Variants in PUDP observed in about 807,000 individuals in gnomAD.
The protein encoded by PUDP is pseudouridine 5'-phosphatase.
Under a neutral mutation model 9.4 loss-of-function variants are expected in PUDP, and 8 were observed. That is an observed-to-expected ratio of 0.85 (90% CI 0.50 to 1.53). PUDP has a LOEUF of 1.53. PUDP is among the 40% of genes most tolerant of loss of function. The pLI is 0.00. For synonymous variants in PUDP, 99 were observed against 80.7 expected (o/e 1.23, Z -1.22); for missense variants, 188 against 189.7 (o/e 0.99, Z 0.05).
chrX:6,737,793 G>A (rs1037180140), intron 3 of PUDP, among the ~76,000 whole-genome samples: 7 of 111,580 alleles, frequency 6.3e-5, no homozygotes, highest in African/African-American at 2.0e-4. Flanking sequence ...AGGTTGGGAG[G>A]TTGGCACAAC....
chrX:7,040,329 T>C (rs1360496048), intron 1 of PUDP, among the ~76,000 whole-genome samples: 1 of 111,953 alleles, frequency 8.9e-6, no homozygotes, highest in Non-Finnish European at 1.9e-5. Context: ...TAGGAGCTGG[T>C]TCAGGACAGG....
intron 3 of PUDP, among the ~76,000 whole-genome samples, chrX:7,052,121 C>A (rs1400503317): frequency 9.1e-6 from 1 of 109,824 alleles, no homozygotes; most frequent in African/African-American, 3.3e-5. Context: ...CAGCCTCTAC[C>A]TCCCAGGCTC....
intron 1 of PUDP, among the ~76,000 whole-genome samples, chrX:6,720,495 G>A (rs1021553552): frequency 9.5e-6 from 1 of 105,504 alleles, no homozygotes; most frequent in African/African-American, 3.5e-5. Context: ...GGTTACGAGG[G>A]GCTGGGGAGT....
intron 3 of PUDP, among the ~76,000 whole-genome samples, chrX:6,772,792 AAAC>A (rs900235078): frequency 5.5e-5 from 6 of 110,046 alleles, no homozygotes; most frequent in African/African-American, 2.0e-4. Context: ...ACAAACAAAC[AAAC>A]AACAACAACA....
At chrX:6,853,781 A>G in intron 3 of PUDP, among the ~76,000 whole-genome samples, 1 of 110,836 alleles carries the variant, frequency 9.0e-6, no homozygotes, top group East Asian at 2.8e-4. Context: ...ATTTTTTTTT[A>G]AGGCAATGTT....
intron 3 of PUDP, among the ~76,000 whole-genome samples, chrX:6,893,712 C>G (rs1927548281): frequency 9.0e-6 from 1 of 111,504 alleles, no homozygotes; most frequent in Non-Finnish European, 1.9e-5. Flanking sequence ...TAGAGCCCTA[C>G]AGAAATACCA....
At chrX:6,994,848 G>A (rs1203609955) in intron 1 of PUDP, among the ~76,000 whole-genome samples, 3 of 111,614 alleles carry the variant, frequency 2.7e-5, no homozygotes. Flanking sequence ...TGTGAGCTAT[G>A]TCATGTCATA....
chrX:7,098,414 CT>C (rs1463425274), intron 2 of PUDP, among the ~76,000 whole-genome samples: 1 of 111,410 alleles, frequency 9.0e-6, no homozygotes, highest in African/African-American at 3.3e-5. Context: ...CCCTCTAGTC[CT>C]TTCATGACAG....
chrX:6,867,424 G>A (rs966244947), intron 3 of PUDP, among the ~76,000 whole-genome samples: 22 of 111,695 alleles, frequency 2.0e-4, no homozygotes, highest in African/African-American at 7.2e-4. Context: ...AGTGGTGGTG[G>A]TGGTGATGGT....
intron 3 of PUDP, among the ~76,000 whole-genome samples, chrX:6,906,502 C>G (rs889510582): frequency 8.9e-6 from 1 of 112,215 alleles, no homozygotes; most frequent in Non-Finnish European, 1.9e-5. Context: ...GCAGAGGCCT[C>G]GAACGCAGGC....
intron 1 of PUDP, among the ~76,000 whole-genome samples, chrX:6,716,435 G>A (rs1382693790): frequency 1.8e-5 from 2 of 111,694 alleles, no homozygotes; most frequent in Middle Eastern, 4.6e-3. Flanking sequence ...GACCCTGATA[G>A]TAAATGCAAT....
chrX:7,109,736 A>G lies in PUDP; in HGVS notation c.62-3898T>C, dbSNP rs1368479550. Among the ~76,000 whole-genome samples the G allele has an allele frequency of 6.2e-5, 7 of 112,475 alleles. No individual in the cohort carries two copies. The East Asian group carries it at 2.0e-3, about 31-fold the overall frequency. ...TAACTACAGCTGTTGATGATGGCAC[A>G]CTTAAAGGGACAGCGTTGTGAAAGG... On this transcript the variant is annotated intron_variant, in intron 1 of 3. Transcript: ENST00000381077.
intron 3 of PUDP, among the ~76,000 whole-genome samples, chrX:6,879,840 G>A (rs1340210438): frequency 1.8e-5 from 2 of 111,160 alleles, no homozygotes; most frequent in Non-Finnish European, 3.8e-5. Flanking sequence ...CCTGCCCTGG[G>A]TTTCACACCT....
rs746576689 is a variant in PUDP, at chrX:6,969,791, A to G, written c.*247+7342T>C. ...CAGCTACTAGGGAAGCTGAGGTGGG[A>G]GGACTCTTTGAGCCCAGGAGTTCAA... On this transcript the variant is annotated intron_variant and NMD_transcript_variant, in intron 3 of 3. Transcript: ENST00000655425. Among the ~76,000 whole-genome samples, 4 of 112,217 alleles carry G rather than the reference A, an allele frequency of 3.6e-5. No individual in the cohort carries two copies. The East Asian group carries it at 1.1e-3, about 32-fold the overall frequency.
rs764781409 is a variant in PUDP at position 6,919,277 on chromosome X, C to G, written c.*247+57856G>C. On this transcript the variant is annotated intron_variant and NMD_transcript_variant, in intron 3 of 3. Coordinates refer to the PUDP transcript ENST00000655425. Reference sequence around the variant, plus strand: ...AATAGGGTGGACTGACCACCAACATCCATTTTTTCATCTTCTCAAAATTGA... The same window carrying G: ...AATAGGGTGGACTGACCACCAACATGCATTTTTTCATCTTCTCAAAATTGA... Among the ~76,000 whole-genome samples, 5 of 111,724 alleles carry G rather than the reference C, an allele frequency of 4.5e-5. No homozygotes were observed. In the East Asian group the frequency reaches 1.1e-3, roughly 25 times the overall value.
chrX:6,930,104 G>A (rs1219670281), intron 3 of PUDP, among the ~76,000 whole-genome samples: 1 of 110,790 alleles, frequency 9.0e-6, no homozygotes, highest in Non-Finnish European at 1.9e-5. Flanking sequence ...CCAGGATGAA[G>A]GTGATCCTAG....
In PUDP at chrX:7,018,614, C is replaced by A. The variant is rs144680258; in HGVS notation, c.205-40271G>T. ...CGATGTGGTTGATTCCCATGGAACA[C>A]AATGAGAGTGTGGTCTTCTCCTTTG... On this transcript the variant is annotated intron_variant and NMD_transcript_variant, in intron 1 of 3. Coordinates refer to the PUDP transcript ENST00000655425. Among the ~76,000 whole-genome samples, 652 of 112,690 alleles carry A rather than the reference C, an allele frequency of 5.8e-3. 7 individuals are homozygous for A. Among genetic ancestry groups the A allele is most frequent in the African/African-American group, 0.02 (614 of 31,020 alleles).
At chrX:6,798,298 T>C (rs1925875761) in intron 3 of PUDP, among the ~76,000 whole-genome samples, 1 of 111,418 alleles carries the variant, frequency 9.0e-6, no homozygotes, top group African/African-American at 3.3e-5. Flanking sequence ...TTTACTACTA[T>C]GAGAATAGTA....
chrX:7,021,232 C>T (rs1484562516), intron 1 of PUDP, among the ~76,000 whole-genome samples: 2 of 112,000 alleles, frequency 1.8e-5, no homozygotes, highest in East Asian at 5.6e-4. Flanking sequence ...ATTGAAATGG[C>T]AAGTGAATGG....
Sources: gnomAD v4.1 joint callset for allele counts (sites outside exome capture counted in the v4.1 genomes callset) on GRCh38, gnomAD v4.1.1 for gene constraint, MANE v1.5 for transcripts, NCBI Gene and HGNC (gene_info 2026-07-23, HGNC 2026-07-21) for gene names.